The following AKAP13 variants were observed in gnomAD, a reference collection of about 807,000 sequenced individuals.
AKAP13 encodes A-kinase anchor protein 13.
In AKAP13, 80 loss-of-function variants were observed where a neutral mutation model predicts 264.5. That is an observed-to-expected ratio of 0.30 (90% CI 0.25 to 0.36). AKAP13 has a LOEUF of 0.36. Ranked by LOEUF, AKAP13 falls within the 10% of genes least tolerant of loss-of-function variation. The pLI is 1.00. For missense variants in AKAP13, 3,712 were observed against 3,435.2 expected, an observed-to-expected ratio of 1.08 and a Z score of -2.01; for synonymous variants, 1,380 against 1,250.2, an observed-to-expected ratio of 1.10 and a Z score of -2.19.
In AKAP13 at chr15:85,716,019, GAAAT is replaced by G. The variant is rs1164563977; in HGVS notation, c.5735+101_5735+104del. The G allele has an allele frequency of 4.4e-4, 541 of 1,234,838 alleles. 7 individuals carry two copies. The Admixed American group carries it at 0.014, about 32-fold the overall frequency. 76.5% of individuals were successfully genotyped at this position (1,234,838 alleles called of 1,614,324 possible). A position where few individuals can be genotyped will look rare whatever the true frequency, so the allele number is the denominator to read the frequency against. On this transcript the variant is annotated intron_variant, in intron 20 of 36. Coordinates refer to ENST00000394518, the MANE Select transcript of AKAP13 (RefSeq NM_007200.5). ...ACAAAAAGCTTTTTTTTTTTTTTAAGAAATAAATCTATAAGGTCATGGGTTGGTG... is the reference window on the plus strand; with the variant it reads ...ACAAAAAGCTTTTTTTTTTTTTTAAGAAATCTATAAGGTCATGGGTTGGTG...
intron 10 of AKAP13, among the ~76,000 whole-genome samples, chr15:85,650,799 A>AAAAAAAAAAAAC (rs2082798341): frequency 6.9e-6 from 1 of 144,502 alleles, no homozygotes; most frequent in Non-Finnish European, 1.5e-5. Context: ...AACAACAAAA[A>AAAAAAAAAAAAC]CTGCAATTGC....
intron 2 of AKAP13, among the ~76,000 whole-genome samples, chr15:85,490,321 G>A (rs2075686294): frequency 6.6e-6 from 1 of 152,182 alleles, no homozygotes; most frequent in African/African-American, 2.4e-5. Context: ...GCCATCATTG[G>A]GTATAGAGAA....
intron 12 of AKAP13, among the ~76,000 whole-genome samples, chr15:85,660,223 T>C (rs2083277604): frequency 1.3e-5 from 2 of 151,890 alleles, no homozygotes; most frequent in South Asian, 2.1e-4. Flanking sequence ...TGTGGTGGCA[T>C]GCACCTGTAA....
At chr15:85,530,036 CG>C (rs1567108386) in intron 3 of AKAP13, among the ~76,000 whole-genome samples, 1 of 152,122 alleles carries the variant, frequency 6.6e-6, no homozygotes, top group East Asian at 1.9e-4. Context: ...TCTGCCTTCT[CG>C]GTTATACAGT....
chr15:85,580,525 T>TA lies in AKAP13; in HGVS notation c.2458dup (p.Thr820AsnfsTer6). On this transcript the variant is annotated frameshift_variant, in exon 7 of 37. Transcript: ENST00000394518. LOFTEE classifies it high-confidence loss of function. ...AGGGAACAGCAACTCCTGAACTACATACAGCTACAGATTATAGAGATGGCC... is the reference window on the plus strand; with the variant it reads ...AGGGAACAGCAACTCCTGAACTACATAACAGCTACAGATTATAGAGATGGCC... 1 of 1,614,178 alleles carries TA rather than the reference T, an allele frequency of 6.2e-7. No homozygotes were observed. Among genetic ancestry groups the TA allele is most frequent in the Non-Finnish European group, 8.5e-7 (1 of 1,180,036 alleles).
chr15:85,710,773 A>G (rs1182780240), intron 19 of AKAP13, 128 bp downstream of exon 19: 26 of 1,043,210 alleles, frequency 2.5e-5, no homozygotes, highest in Admixed American at 5.2e-5. Flanking sequence ...TAAGTGAGAG[A>G]AGGCTGCTGT....
intron 3 of AKAP13, among the ~76,000 whole-genome samples, chr15:85,523,608 C>G (rs2076911521): frequency 6.6e-6 from 1 of 152,064 alleles, no homozygotes; most frequent in South Asian, 2.1e-4. Context: ...TCTATCTGCC[C>G]CAACTAAAGT....
rs573659311 is a variant in AKAP13 at position 85,740,752 on chromosome 15, C to G, written c.7609-294C>G. 3.9e-5 allele frequency among the ~76,000 whole-genome samples: 5 copies of G among 128,334 alleles called. No individual in the cohort carries two copies. The East Asian group carries it at 1.1e-3, about 27-fold the overall frequency. The allele number at this position is 128,334 out of a possible 152,430, so 84.2% of individuals were successfully genotyped here. Reference sequence around the variant, plus strand: ...CACACACACACAACCCACCCACCCACACAGACACACACACACACAACCACC... The same window carrying G: ...CACACACACACAACCCACCCACCCAGACAGACACACACACACACAACCACC... On this transcript the variant is annotated intron_variant, in intron 34 of 36. Transcript: ENST00000394518.
rs1459229859 is a variant in AKAP13 at position 85,749,062 on chromosome 15, C to G, written c.*4385C>G. The G allele has an allele frequency of 6.6e-6, 1 of 152,284 alleles. No individual in the cohort carries two copies. Among genetic ancestry groups the G allele is most frequent in the Admixed American group, 6.5e-5 (1 of 15,284 alleles). 9.4% of individuals were successfully genotyped at this position (152,284 alleles called of 1,614,324 possible). On this transcript the variant is annotated 3_prime_UTR_variant, in exon 37 of 37. Coordinates refer to ENST00000394518, the MANE Select transcript of AKAP13 (RefSeq NM_007200.5). ...GATCCGCAGGAGGGTGGTTGGGATA[C>G]ACCGGATACCTCTGCTCTCATTGCT... is the stretch of plus-strand genomic sequence containing the variant.
chr15:85,740,310 C>G, intron 34 of AKAP13, 38 bp downstream of exon 34: 1 of 1,611,224 alleles, frequency 6.2e-7, no homozygotes, highest in Non-Finnish European at 8.5e-7. Flanking sequence ...GTTTATTTGT[C>G]TAGAGAACAG....
At chr15:85,699,013 T>C (rs1311026013) in intron 17 of AKAP13, among the ~76,000 whole-genome samples, 2 of 146,874 alleles carry the variant, frequency 1.4e-5, no homozygotes, top group Non-Finnish European at 3.0e-5. Flanking sequence ...CCAAGGACCA[T>C]AGTGTGCCAA....
chr15:85,739,374 T>G (rs1226586232), intron 33 of AKAP13, among the ~76,000 whole-genome samples: 1 of 152,234 alleles, frequency 6.6e-6, no homozygotes, highest in African/African-American at 2.4e-5. Context: ...CAAATAAGGT[T>G]GAGTAATTTT....
intron 8 of AKAP13, chr15:85,620,080 C>A (rs1345708429): frequency 1.3e-6 from 2 of 1,536,064 alleles, no homozygotes; most frequent in Non-Finnish European, 1.7e-6. Flanking sequence ...TTCTTTCTTG[C>A]ATTTGGGCAA....
intron 5 of AKAP13, among the ~76,000 whole-genome samples, chr15:85,550,137 G>A (rs1229987409): frequency 6.6e-6 from 1 of 152,102 alleles, no homozygotes; most frequent in Non-Finnish European, 1.5e-5. Context: ...GGCTGGTCTC[G>A]ATTTCGTGAC....
chr15:85,526,516 C>T (rs2077048795), intron 3 of AKAP13, among the ~76,000 whole-genome samples: 1 of 152,148 alleles, frequency 6.6e-6, no homozygotes, highest in Admixed American at 6.5e-5. Flanking sequence ...AGTGATCCTT[C>T]TGCCTCCACC....
At chr15:85,505,043 A>C (rs1284637295) in intron 2 of AKAP13, among the ~76,000 whole-genome samples, 1 of 152,184 alleles carries the variant, frequency 6.6e-6, no homozygotes, top group African/African-American at 2.4e-5. Flanking sequence ...GGACAAAAAT[A>C]GACTTGAGAG....
chr15:85,554,772 G>A (rs2078082623), intron 5 of AKAP13, among the ~76,000 whole-genome samples: 1 of 152,122 alleles, frequency 6.6e-6, no homozygotes, highest in Non-Finnish European at 1.5e-5. Context: ...CTTTACAGAT[G>A]AGGAAATTGA....
At chr15:85,613,713 T>TATATATATATATATATATATATATATATA (rs1254657975) in intron 8 of AKAP13, among the ~76,000 whole-genome samples, 4 of 111,010 alleles carry the variant, frequency 3.6e-5, no homozygotes, top group Non-Finnish European at 7.8e-5. Context: ...TATATATATA[T>TATATATATATATATATATATATATATATA]TAGGAGTGCT....
At chr15:85,485,580 G>A in intron 1 of AKAP13, 130 bp from the exon 2 acceptor site, 1 of 697,090 alleles carries the variant, frequency 1.4e-6, no homozygotes, top group Non-Finnish European at 2.5e-6. Flanking sequence ...GCATACAGCT[G>A]GGCATATGGT....
Sources: allele counts gnomAD v4.1 joint callset (sites outside exome capture counted in the v4.1 genomes callset), GRCh38; gene constraint gnomAD v4.1.1; transcripts MANE v1.5; gene names NCBI Gene and HGNC (gene_info 2026-07-23, HGNC 2026-07-21).